TP53BP2: variants seen among roughly 807,000 people sequenced by gnomAD.
TP53BP2 encodes tumor protein p53 binding protein 2.
In TP53BP2, 62 loss-of-function variants were observed where a neutral mutation model predicts 126.2. That is an observed-to-expected ratio of 0.49 (90% confidence interval 0.40 to 0.61). The LOEUF is 0.61. Among genes scored for constraint, TP53BP2 ranks in the 20% least tolerant of loss-of-function variants. The pLI is 0.00. For missense variants in TP53BP2, 1,215 were observed against 1,402.8 expected (o/e 0.87, Z 2.14); for synonymous variants, 485 against 502.9 (o/e 0.96, Z 0.48).
chr1:223,788,550 AAGAC>A (rs1352635092), intron 16 of TP53BP2, among the ~76,000 whole-genome samples: 2 of 152,220 alleles, frequency 1.3e-5, no homozygotes, highest in African/African-American at 4.8e-5. Context: ...AAAAAAATAA[AAGAC>A]AGCTCCAAAA....
At chr1:223,797,285 A>G (rs1423881640) in intron 12 of TP53BP2, among the ~76,000 whole-genome samples, 2 of 152,246 alleles carry the variant, frequency 1.3e-5, no homozygotes, top group Admixed American at 1.3e-4. Flanking sequence ...GTAATAATTT[A>G]GAAAGAACCC....
At chr1:223,783,818 G>A (rs925099061) in intron 17 of TP53BP2, among the ~76,000 whole-genome samples, 1 of 152,174 alleles carries the variant, frequency 6.6e-6, no homozygotes. Flanking sequence ...GATTTAGACA[G>A]ATTAAAAATT....
At chr1:223,797,398 A>AATAT (rs143672993) in intron 12 of TP53BP2, among the ~76,000 whole-genome samples, 6 of 150,790 alleles carry the variant, frequency 4.0e-5, no homozygotes, top group Non-Finnish European at 5.9e-5. Flanking sequence ...TACAGTAGAG[A>AATAT]ATATATATAT....
At chr1:223,785,088 C>T (rs1402143130) in intron 16 of TP53BP2, among the ~76,000 whole-genome samples, 1 of 152,150 alleles carries the variant, frequency 6.6e-6, no homozygotes, top group Non-Finnish European at 1.5e-5. Context: ...TAACAATCAT[C>T]AACTGGCAGG....
In TP53BP2 at chr1:223,786,581, C is replaced by T. The variant is rs200389341; in HGVS notation, c.3164-2267G>A. 8.1e-4 allele frequency among the ~76,000 whole-genome samples: 117 copies of T among 144,580 alleles called. 1 individual carries two copies. The South Asian group carries it at 9.7e-3, about 12-fold the overall frequency. The allele number at this position is 144,580 out of a possible 152,430, so 94.9% of individuals were successfully genotyped here. A position where few individuals can be genotyped will look rare whatever the true frequency, so the allele number is the denominator to read the frequency against. ...ATATATGTGTGTGTGTGCGTGTGTG[C>T]GTGTGTGTGTGTGTGTGTGTGTGTG... On this transcript the variant is annotated intron_variant, in intron 16 of 17. Transcript: ENST00000343537.
chr1:223,795,003 G>A (rs543582900), intron 13 of TP53BP2, among the ~76,000 whole-genome samples: 42 of 152,178 alleles, frequency 2.8e-4, no homozygotes, highest in Middle Eastern at 3.4e-3. Flanking sequence ...ACTTCCTTCC[G>A]TGCTTACTGA....
intron 17 of TP53BP2, 94 bp downstream of exon 17, chr1:223,784,021 G>A: frequency 9.7e-7 from 1 of 1,030,468 alleles, no homozygotes; most frequent in Non-Finnish European, 1.5e-6. Context: ...TTAACAAAGG[G>A]CAGTTTGGTG....
Position 223,839,871 on chromosome 1 carries a change from G to C in TP53BP2, c.27+5783C>G, listed in dbSNP as rs777865947. On this transcript the variant is annotated intron_variant, in intron 1 of 17. Coordinates refer to ENST00000343537, the MANE Select transcript of TP53BP2 (RefSeq NM_001031685.3). Reference sequence around the variant, plus strand: ...AATCACTTGAGCCCAGGAGGCAGAGGTTGCAGTGAGCTGAGATGGCGCCAC... The same window carrying C: ...AATCACTTGAGCCCAGGAGGCAGAGCTTGCAGTGAGCTGAGATGGCGCCAC... Among the ~76,000 whole-genome samples the C allele has an allele frequency of 2.0e-5, 3 of 152,256 alleles. No individual in the cohort carries two copies. The East Asian group carries it at 5.8e-4, about 29-fold the overall frequency.
intron 5 of TP53BP2, among the ~76,000 whole-genome samples, chr1:223,806,022 T>A (rs1428279123): frequency 6.6e-6 from 1 of 152,050 alleles, no homozygotes; most frequent in East Asian, 1.9e-4. Context: ...GGTAATGGAG[T>A]GGCTTCTTAT....
chr1:223,796,244 T>C lies in TP53BP2; in HGVS notation c.2295A>G (p.Ile765Met). 6.2e-7 allele frequency: 1 copy of C among 1,614,122 alleles called. No homozygotes were observed. Among genetic ancestry groups the C allele is most frequent in the Non-Finnish European group, 8.5e-7 (1 of 1,180,002 alleles). ...GGACAGAGATGGTCTCCATGGCCGC[T>C]ATGGTGGTCCTCTGATATAAAAGCT... ...IQKLLYQRTT[I>M]AAMETISVPS... Residue 765 changes from isoleucine to methionine, a missense_variant, in exon 13 of 18, where the codon ATA becomes ATG. Transcript: ENST00000343537. The surrounding 1 kb of genome is among the most constrained non-coding windows in gnomAD (Gnocchi z 4.2).
intron 1 of TP53BP2, among the ~76,000 whole-genome samples, chr1:223,839,012 C>CTTTTTTTTTT (rs75469632): frequency 7.1e-6 from 1 of 140,752 alleles, no homozygotes. Context: ...CCATTTTTTT[C>CTTTTTTTTTT]TTTTTTTTTT....
chr1:223,842,947 C>A (rs1268775419), intron 1 of TP53BP2, among the ~76,000 whole-genome samples: 1 of 152,212 alleles, frequency 6.6e-6, no homozygotes, highest in Non-Finnish European at 1.5e-5. Flanking sequence ...ACTAGAGATA[C>A]TAACAATGGC....
At chr1:223,797,291 A>C (rs1374238185) in intron 12 of TP53BP2, among the ~76,000 whole-genome samples, 2 of 152,224 alleles carry the variant, frequency 1.3e-5, no homozygotes, top group Non-Finnish European at 1.5e-5. Flanking sequence ...ATTTAGAAAG[A>C]ACCCAACAAA....
intron 15 of TP53BP2, 92 bp downstream of exon 15, chr1:223,792,297 A>G (rs1662179448): frequency 7.0e-7 from 1 of 1,424,912 alleles, no homozygotes; most frequent in Non-Finnish European, 9.5e-7. Context: ...CATAACTGAC[A>G]TACTTCTTTG....
Position 223,807,088 on chromosome 1 carries a change from A to C in TP53BP2, c.373-141T>G, listed in dbSNP as rs961109182. ...TTAGCGATTTTTCTTTCATAATATC[A>C]AGCAGACCATTAATTCTTATATTAA... On this transcript the variant is annotated intron_variant, in intron 4 of 17. Coordinates refer to ENST00000343537, the MANE Select transcript of TP53BP2 (RefSeq NM_001031685.3). 3 of 578,604 alleles carry C rather than the reference A, an allele frequency of 5.2e-6. No homozygotes were observed. The African/African-American group carries it at 5.7e-5, about 11-fold the overall frequency. The allele number at this position is 578,604 out of a possible 1,614,324, so 35.8% of individuals were successfully genotyped here.
Position 223,789,190 on chromosome 1 carries a change from C to G in TP53BP2, c.2997-16G>C. On this transcript the variant is annotated splice_polypyrimidine_tract_variant and intron_variant, in intron 15 of 17. Coordinates refer to ENST00000343537, the MANE Select transcript of TP53BP2 (RefSeq NM_001031685.3). Reference sequence around the variant, plus strand: ...TAATGGAGTCCTGTGAAGCAAGATACGAGGGCTAGAACTGTTTTCCTAAAC... The same window carrying G: ...TAATGGAGTCCTGTGAAGCAAGATAGGAGGGCTAGAACTGTTTTCCTAAAC... 6.2e-7 allele frequency: 1 copy of G among 1,613,814 alleles called. No individual in the cohort carries two copies. Among genetic ancestry groups the G allele is most frequent in the Admixed American group, 1.7e-5 (1 of 59,982 alleles).
Position 223,795,839 on chromosome 1 carries a change from G to A in TP53BP2, c.2700C>T (p.Ile900=), listed in dbSNP as rs1027173546. The A allele has an allele frequency of 1.3e-6, 2 of 1,556,024 alleles. No individual in the cohort carries two copies. Among genetic ancestry groups the A allele is most frequent in the African/African-American group, 1.4e-5 (1 of 72,708 alleles). The change falls in exon 13 of 18, where the codon ATC becomes ATT. Residue 900 remains isoleucine (I), a synonymous_variant. Transcript: ENST00000343537. ...EDSVSMRPPE[I]TGQVSLPPGK... ...CAGGAGGCAGAGAGACCTGCCCGGT[G>A]ATTTCAGGCGGGCGCATGCTCACCG...
chr1:223,839,016 T>C (rs1664017262), intron 1 of TP53BP2, among the ~76,000 whole-genome samples: 1 of 151,848 alleles, frequency 6.6e-6, no homozygotes, highest in South Asian at 2.1e-4. Context: ...TTTTTTCTTT[T>C]TTTTTTTTTT....
intron 1 of TP53BP2, among the ~76,000 whole-genome samples, chr1:223,839,236 A>G (rs940466135): frequency 6.6e-6 from 1 of 152,176 alleles, no homozygotes. Flanking sequence ...ACCAGAAACA[A>G]ATTACTTAAG....
Sources: gnomAD v4.1 joint callset for allele counts (sites outside exome capture counted in the v4.1 genomes callset) on GRCh38, gnomAD v4.1.1 for gene constraint, Gnocchi (gnomAD v3.1) non-coding constraint, MANE v1.5 for transcripts, NCBI Gene and HGNC (gene_info 2026-07-23, HGNC 2026-07-21) for gene names.